The following MOB1B variants were observed in gnomAD, a reference collection of about 807,000 sequenced individuals.
MOB1B encodes the protein MOB kinase activator 1B, also known as MOB1 Mps One Binder homolog B.
MOB1B carries 19 observed loss-of-function variants against 24.4 expected under a neutral mutation model. The observed-to-expected ratio is 0.78, with a 90% CI of 0.54 to 1.14. The LOEUF (loss-of-function observed/expected upper bound fraction) is 1.14, where lower values mean the gene tolerates loss of function less well. MOB1B is among the 50% of genes most tolerant of loss of function. MOB1B has a pLI of 0.00. For missense variants in MOB1B, 243 were observed against 259.6 expected (o/e 0.94, Z 0.44); for synonymous variants, 76 against 82.1 (o/e 0.93, Z 0.40).
At chr4:70,923,134 G>A (rs933512443) in intron 1 of MOB1B, among the ~76,000 whole-genome samples, 4 of 152,082 alleles carry the variant, frequency 2.6e-5, no homozygotes, top group East Asian at 1.9e-4. Context: ...TACATGCAAC[G>A]CCATCCCATT....
At chr4:70,938,708 ATTCC>A (rs1560644232) in intron 1 of MOB1B, among the ~76,000 whole-genome samples, 2 of 238 alleles carry the variant, frequency 8.4e-3, no homozygotes, top group African/African-American at 0.032. Flanking sequence ...GGCGTCACTA[ATTCC>A]TAAATCCCTA....
At chr4:70,952,737 G>A (rs1286307142) in intron 1 of MOB1B, among the ~76,000 whole-genome samples, 1 of 151,608 alleles carries the variant, frequency 6.6e-6, no homozygotes, top group African/African-American at 2.4e-5. Context: ...AGGTAGGTGG[G>A]GTAAGAGGGC....
chr4:70,911,439 C>T (rs1735985931), intron 1 of MOB1B, among the ~76,000 whole-genome samples: 1 of 151,046 alleles, frequency 6.6e-6, no homozygotes, highest in Non-Finnish European at 1.5e-5. Context: ...ATATGTTATC[C>T]TTTTTAATAT....
chr4:70,961,058 T>C (rs1167097088), intron 2 of MOB1B, among the ~76,000 whole-genome samples: 1 of 152,206 alleles, frequency 6.6e-6, no homozygotes, highest in Non-Finnish European at 1.5e-5. Flanking sequence ...CTGTACACTG[T>C]GTTTTTTCCT....
At chr4:70,971,084 G>A (rs1254489633) in intron 3 of MOB1B, among the ~76,000 whole-genome samples, 1 of 152,220 alleles carries the variant, frequency 6.6e-6, no homozygotes, top group Non-Finnish European at 1.5e-5. Context: ...TGTGGACTTT[G>A]TATGGGGTTT....
intron 1 of MOB1B, among the ~76,000 whole-genome samples, chr4:70,906,882 A>G (rs1186651155): frequency 2.0e-5 from 3 of 152,214 alleles, no homozygotes; most frequent in Non-Finnish European, 2.9e-5. Flanking sequence ...AAGAGATTCC[A>G]GAGATGGTGG....
intron 1 of MOB1B, among the ~76,000 whole-genome samples, chr4:70,932,106 C>T (rs1317537297): frequency 6.6e-6 from 1 of 152,130 alleles, no homozygotes; most frequent in Non-Finnish European, 1.5e-5. Flanking sequence ...ATCTGTGGAG[C>T]AGGCCTCTAG....
At chr4:70,930,345 T>A (rs547402208) in intron 1 of MOB1B, among the ~76,000 whole-genome samples, 8 of 152,256 alleles carry the variant, frequency 5.3e-5, no homozygotes, top group African/African-American at 1.9e-4. Flanking sequence ...TACTTTTCAC[T>A]TACTTCTCTT....
chr4:70,939,426 T>C (rs1038374084), intron 1 of MOB1B, among the ~76,000 whole-genome samples: 2 of 152,188 alleles, frequency 1.3e-5, no homozygotes, highest in Admixed American at 1.3e-4. Context: ...ACACCTGTAA[T>C]CTCACACCCG....
chr4:70,904,152 T>G (rs1735644765), intron 1 of MOB1B, among the ~76,000 whole-genome samples: 1 of 151,432 alleles, frequency 6.6e-6, no homozygotes, highest in Admixed American at 6.6e-5. Context: ...CTGGCTAATT[T>G]TTGTATTTTT....
At chr4:70,980,547 TTTGA>T (rs1739170655) in intron 5 of MOB1B, among the ~76,000 whole-genome samples, 1 of 152,082 alleles carries the variant, frequency 6.6e-6, no homozygotes, top group Admixed American at 6.5e-5. Context: ...AGTATCACTG[TTTGA>T]TTAAGTAAGG....
intron 1 of MOB1B, among the ~76,000 whole-genome samples, chr4:70,939,898 A>G (rs1369443070): frequency 3.3e-5 from 5 of 152,208 alleles, no homozygotes; most frequent in Admixed American, 3.3e-4. Flanking sequence ...GAGCGGAAGT[A>G]GCTCTCAGAA....
intron 1 of MOB1B, among the ~76,000 whole-genome samples, chr4:70,957,224 C>A (rs2148893062): frequency 7.3e-6 from 1 of 137,240 alleles, no homozygotes; most frequent in East Asian, 2.1e-4. Context: ...CGTGCCTCTG[C>A]ACTCCAGCCT....
At chr4:70,975,913 T>C (rs1738967915) in intron 4 of MOB1B, 1 of 736,466 alleles carries the variant, frequency 1.4e-6, no homozygotes, top group Non-Finnish European at 1.7e-6. Flanking sequence ...TTTTCATTTT[T>C]TGGGAGACAA....
intron 4 of MOB1B, among the ~76,000 whole-genome samples, chr4:70,977,592 A>G (rs527749332): frequency 6.6e-6 from 1 of 152,348 alleles, no homozygotes; most frequent in South Asian, 2.1e-4. Flanking sequence ...GAACAGATTA[A>G]CATATCCATC....
chr4:70,954,152 A>G (rs561081205), intron 1 of MOB1B, among the ~76,000 whole-genome samples: 1 of 152,162 alleles, frequency 6.6e-6, no homozygotes, highest in Non-Finnish European at 1.5e-5. Context: ...CTTTTCCCCC[A>G]TTCAGTCTTG....
chr4:70,910,990 A>G (rs1203637397), intron 1 of MOB1B, among the ~76,000 whole-genome samples: 2 of 152,140 alleles, frequency 1.3e-5, no homozygotes, highest in East Asian at 3.9e-4. Context: ...GTTTCACCAT[A>G]TTGGCCAGGC....
intron 1 of MOB1B, among the ~76,000 whole-genome samples, chr4:70,918,597 G>A (rs555062040): frequency 2.0e-5 from 3 of 151,658 alleles, no homozygotes; most frequent in Admixed American, 2.0e-4. Context: ...TTAGCCCTTT[G>A]TCAGATGAGT....
intron 1 of MOB1B, among the ~76,000 whole-genome samples, chr4:70,950,291 C>G (rs1737748582): frequency 6.6e-6 from 1 of 152,018 alleles, no homozygotes; most frequent in African/African-American, 2.4e-5. Flanking sequence ...CAAAAATTAG[C>G]TGGGCGTGGT....
Sources: gnomAD v4.1 joint callset for allele counts (sites outside exome capture counted in the v4.1 genomes callset) on GRCh38, gnomAD v4.1.1 for gene constraint, MANE v1.5 for transcripts, NCBI Gene and HGNC (gene_info 2026-07-23, HGNC 2026-07-21) for gene names.